The following RAP1GDS1 variants were observed in gnomAD, a reference collection of about 807,000 sequenced individuals.
RAP1GDS1 encodes RAP1, GTP-GDP dissociation stimulator 1.
In RAP1GDS1, 35 loss-of-function variants were observed where a neutral mutation model predicts 71.1. The ratio of observed to expected loss-of-function variants is 0.49; its 90% CI spans 0.38 to 0.65. RAP1GDS1 has a LOEUF of 0.65. Among genes scored for constraint, RAP1GDS1 ranks in the 30% least tolerant of loss-of-function variants. RAP1GDS1 has a pLI of 0.00. For missense variants in RAP1GDS1, 663 were observed against 706.1 expected, an observed-to-expected ratio of 0.94 and a Z score of 0.69; for synonymous variants, 229 against 243.1, an observed-to-expected ratio of 0.94 and a Z score of 0.54.
At chr4:98,346,863 A>T (rs1398578629) in intron 3 of RAP1GDS1, among the ~76,000 whole-genome samples, 1 of 152,188 alleles carries the variant, frequency 6.6e-6, no homozygotes, top group Non-Finnish European at 1.5e-5. Context: ...TTTAAAAACA[A>T]GGGCAGTACA....
At chr4:98,440,777 G>C (rs1260397814) in intron 14 of RAP1GDS1, among the ~76,000 whole-genome samples, 1 of 152,160 alleles carries the variant, frequency 6.6e-6, no homozygotes, top group South Asian at 2.1e-4. Context: ...CAGTGCAATG[G>C]TGCAATCTCG....
At chr4:98,370,508 A>G (rs1435316378) in intron 4 of RAP1GDS1, among the ~76,000 whole-genome samples, 2 of 151,928 alleles carry the variant, frequency 1.3e-5, no homozygotes, top group Non-Finnish European at 2.9e-5. Flanking sequence ...CATTCCTCCA[A>G]AAGAGGTATA....
At chr4:98,368,687 T>C (rs72896364) in intron 4 of RAP1GDS1, among the ~76,000 whole-genome samples, 20,748 of 152,184 alleles carry the variant, frequency 0.14, 2,022 homozygotes, top group African/African-American at 0.27. Context: ...ATTTGTATGA[T>C]TATGTTATTA....
intron 2 of RAP1GDS1, among the ~76,000 whole-genome samples, chr4:98,336,303 A>T (rs1435514675): frequency 6.6e-6 from 1 of 152,160 alleles, no homozygotes; most frequent in Non-Finnish European, 1.5e-5. Context: ...CTTATTTTTT[A>T]ACCATGTAAC....
At chr4:98,418,557 C>T (rs17027570) in intron 9 of RAP1GDS1, 100 bp from the exon 10 acceptor site, 283,624 of 1,065,692 alleles carry the variant, frequency 0.27, 38,841 homozygotes, top group South Asian at 0.29. Flanking sequence ...TATTGTATAG[C>T]TCCATTTTCC....
chr4:98,430,520 A>T (rs1173133238), intron 12 of RAP1GDS1, among the ~76,000 whole-genome samples: 2 of 152,230 alleles, frequency 1.3e-5, no homozygotes, highest in Non-Finnish European at 2.9e-5. Context: ...ACAAAGAAAG[A>T]GTTGCATAGG....
intron 2 of RAP1GDS1, among the ~76,000 whole-genome samples, chr4:98,307,652 G>A (rs185941873): frequency 7.9e-5 from 12 of 152,080 alleles, no homozygotes; most frequent in Non-Finnish European, 2.9e-5. Context: ...GATTTTTTCT[G>A]TATAACTTCT....
chr4:98,287,040 A>C (rs1270029114), intron 1 of RAP1GDS1, among the ~76,000 whole-genome samples: 2 of 152,116 alleles, frequency 1.3e-5, no homozygotes, highest in Non-Finnish European at 2.9e-5. Context: ...TAATCAAGAC[A>C]GTTTGTGTCA....
chr4:98,276,442 A>T (rs867832658), intron 1 of RAP1GDS1, among the ~76,000 whole-genome samples: 14 of 151,934 alleles, frequency 9.2e-5, no homozygotes, highest in Middle Eastern at 6.9e-3. Context: ...CTCAAATGTA[A>T]CTGATTAAAG....
intron 4 of RAP1GDS1, among the ~76,000 whole-genome samples, chr4:98,357,851 T>A (rs1255216515): frequency 2.0e-5 from 3 of 152,028 alleles, no homozygotes; most frequent in African/African-American, 7.2e-5. Context: ...TTAATTTTTC[T>A]GATTTTAATT....
chr4:98,271,940 T>A lies in RAP1GDS1; in HGVS notation c.4+10371T>A, dbSNP rs557679539. On this transcript the variant is annotated intron_variant, in intron 1 of 14. Coordinates refer to ENST00000408927, the MANE Select transcript of RAP1GDS1 (RefSeq NM_001100427.2). ...TTTTCAAACTTCAGCTTGCATAGAA[T>A]CACTTGAAGAGCTTGTTTTTAAAAA... is the stretch of plus-strand genomic sequence containing the variant. 7.6e-4 allele frequency among the ~76,000 whole-genome samples: 116 copies of A among 152,168 alleles called. 1 individual carries two copies. Among genetic ancestry groups the A allele is most frequent in the Non-Finnish European group, 1.5e-3 (104 of 68,008 alleles).
chr4:98,429,213 G>A (rs1465814413), intron 12 of RAP1GDS1, among the ~76,000 whole-genome samples: 4 of 148,858 alleles, frequency 2.7e-5, no homozygotes, highest in African/African-American at 1.0e-4. Context: ...AGCCGAGATG[G>A]CACCACTGCA....
chr4:98,305,872 AAC>A (rs1235870188), intron 2 of RAP1GDS1, among the ~76,000 whole-genome samples: 1 of 152,182 alleles, frequency 6.6e-6, no homozygotes, highest in Non-Finnish European at 1.5e-5. Context: ...TTATGTTCCT[AAC>A]ACAGAGAAAA....
At chr4:98,383,472 C>T (rs1484087418) in intron 5 of RAP1GDS1, among the ~76,000 whole-genome samples, 1 of 151,290 alleles carries the variant, frequency 6.6e-6, no homozygotes, top group Admixed American at 6.6e-5. Context: ...TTTAATTACT[C>T]CTCATTATTG....
chr4:98,394,733 A>G (rs1469927142), intron 6 of RAP1GDS1, among the ~76,000 whole-genome samples: 2 of 152,168 alleles, frequency 1.3e-5, no homozygotes, highest in Non-Finnish European at 1.5e-5. Flanking sequence ...AATAACTTAC[A>G]TATTTGAACC....
intron 1 of RAP1GDS1, among the ~76,000 whole-genome samples, chr4:98,276,163 TAGA>T (rs1025016558): frequency 7.2e-5 from 11 of 152,184 alleles, no homozygotes; most frequent in Middle Eastern, 3.4e-3. Flanking sequence ...CCTCACACGG[TAGA>T]AGGAGTGAGG....
At chr4:98,432,359 GTCT>G (rs1750552164) in intron 12 of RAP1GDS1, among the ~76,000 whole-genome samples, 1 of 152,048 alleles carries the variant, frequency 6.6e-6, no homozygotes, top group Non-Finnish European at 1.5e-5. Context: ...ATCTCTTATG[GTCT>G]TCTTTACTCA....
intron 5 of RAP1GDS1, among the ~76,000 whole-genome samples, chr4:98,381,368 T>C (rs1741988546): frequency 1.3e-5 from 2 of 151,662 alleles, no homozygotes; most frequent in African/African-American, 4.8e-5. Flanking sequence ...TCTTAATTTG[T>C]GAAGTGATTC....
chr4:98,291,272 A>G (rs970748541), intron 1 of RAP1GDS1, among the ~76,000 whole-genome samples: 3 of 152,182 alleles, frequency 2.0e-5, no homozygotes, highest in Non-Finnish European at 2.9e-5. Flanking sequence ...ATTTCACAAG[A>G]CGAACTAGAC....
Sources: gnomAD v4.1 joint callset for allele counts (sites outside exome capture counted in the v4.1 genomes callset) on GRCh38, gnomAD v4.1.1 for gene constraint, MANE v1.5 for transcripts, NCBI Gene and HGNC (gene_info 2026-07-23, HGNC 2026-07-21) for gene names.